The following MERTK variants were observed in gnomAD, a reference collection of about 807,000 sequenced individuals.
MERTK encodes the protein MER proto-oncogene, tyrosine kinase.
A neutral mutation model predicts 99.3 loss-of-function variants in MERTK; 69 were observed. The ratio of observed to expected loss-of-function variants is 0.70; its 90% confidence interval spans 0.57 to 0.85. The LOEUF is 0.85. Ranked by LOEUF, MERTK falls within the 40% of genes least tolerant of loss-of-function variation. The pLI is 0.00. For missense variants in MERTK, 1,125 were observed against 1,249.4 expected, an observed-to-expected ratio of 0.90 and a Z score of 1.50; for synonymous variants, 426 against 467.6, an observed-to-expected ratio of 0.91 and a Z score of 1.15.
At chr2:111,969,896 T>G (rs1400363476) in intron 6 of MERTK, among the ~76,000 whole-genome samples, 1 of 152,078 alleles carries the variant, frequency 6.6e-6, no homozygotes, top group Non-Finnish European at 1.5e-5. Context: ...TTTCACCGTG[T>G]TAGCCAGGAT....
intron 15 of MERTK, chr2:112,010,289 C>T (rs1677071338): frequency 4.1e-6 from 2 of 483,742 alleles, no homozygotes; most frequent in South Asian, 3.8e-5. Flanking sequence ...TGGCTGCGTG[C>T]ACAGTCTTAT....
chr2:111,926,753 C>T lies in MERTK; in HGVS notation c.62-2367C>T, dbSNP rs901096365. On this transcript the variant is annotated intron_variant, in intron 1 of 18. Coordinates refer to ENST00000295408, the MANE Select transcript of MERTK (RefSeq NM_006343.3). ...CTCAGAAAGCAAACAAAAACAAAGCCTACATGAGTAAGTAGAGCACCCTTG... is the reference window on the plus strand; with the variant it reads ...CTCAGAAAGCAAACAAAAACAAAGCTTACATGAGTAAGTAGAGCACCCTTG... Among the ~76,000 whole-genome samples, 37 of 152,146 alleles carry T rather than the reference C, an allele frequency of 2.4e-4. 1 individual carries two copies. Among genetic ancestry groups the T allele is most frequent in the Non-Finnish European group, 1.3e-4 (9 of 68,020 alleles).
chr2:111,977,172 C>A (rs537702463), intron 7 of MERTK, among the ~76,000 whole-genome samples: 2 of 152,256 alleles, frequency 1.3e-5, no homozygotes, highest in East Asian at 3.9e-4. Context: ...TCCTGAAGAA[C>A]TTTTTTAAAA....
At chr2:111,962,362 C>T (rs1422955875) in intron 4 of MERTK, among the ~76,000 whole-genome samples, 1 of 152,036 alleles carries the variant, frequency 6.6e-6, no homozygotes, top group Non-Finnish European at 1.5e-5. Flanking sequence ...ACAGAATTAG[C>T]CGGGCATGGT....
chr2:112,011,097 T>A (rs184916886), intron 15 of MERTK, among the ~76,000 whole-genome samples: 2 of 152,176 alleles, frequency 1.3e-5, no homozygotes, highest in Admixed American at 1.3e-4. Context: ...CTTTGTCCCT[T>A]TAGCTGCCAT....
At chr2:112,028,085 C>T (rs1677506766) in intron 18 of MERTK, 1 of 506,948 alleles carries the variant, frequency 2.0e-6, no homozygotes, top group African/African-American at 1.9e-5. Context: ...AAGAAAGAGA[C>T]CTAAATACTC....
chr2:111,947,301 A>AAAT, intron 3 of MERTK, 93 bp from the exon 4 acceptor site: 1 of 1,126,596 alleles, frequency 8.9e-7, no homozygotes, highest in Non-Finnish European at 1.3e-6. Flanking sequence ...AAAGAAATCT[A>AAAT]TTGCCAAGTT....
chr2:111,964,368 CGTGTGTGTGTGTGTGTGT>C (rs200168355), intron 4 of MERTK, among the ~76,000 whole-genome samples: 1 of 141,162 alleles, frequency 7.1e-6, no homozygotes, highest in Non-Finnish European at 1.6e-5. Flanking sequence ...ATCATTGTCT[CGTGTGTGTGTGTGTGTGT>C]GTGTGTGTGT....
chr2:111,947,623 AG>A (rs1684984537), intron 4 of MERTK, 56 bp downstream of exon 4: 11 of 1,602,678 alleles, frequency 6.9e-6, no homozygotes, highest in Middle Eastern at 2.2e-4. Flanking sequence ...CAGGATCAAA[AG>A]TTTGGCGACC....
intron 13 of MERTK, among the ~76,000 whole-genome samples, chr2:112,005,180 G>T (rs992368564): frequency 6.6e-6 from 1 of 151,946 alleles, no homozygotes; most frequent in African/African-American, 2.4e-5. Flanking sequence ...TGATTCTCCC[G>T]CCTCAGTCTC....
At chr2:111,945,101 T>A (rs754355895) in intron 3 of MERTK, 41 bp downstream of exon 3, 1 of 1,461,588 alleles carries the variant, frequency 6.8e-7, no homozygotes, top group Admixed American at 1.7e-5. Flanking sequence ...GAGAACTGTT[T>A]GTTTTAGGGC....
At chr2:111,963,480 C>T (rs1036796696) in intron 4 of MERTK, among the ~76,000 whole-genome samples, 80 of 152,202 alleles carry the variant, frequency 5.3e-4, no homozygotes, top group African/African-American at 1.8e-3. Context: ...TTGGACAATA[C>T]CTGGCTTTCC....
chr2:112,002,360 T>C (rs1037519506), intron 11 of MERTK, among the ~76,000 whole-genome samples: 9 of 152,328 alleles, frequency 5.9e-5, no homozygotes, highest in Middle Eastern at 3.4e-3. Flanking sequence ...TTTGTGAGAC[T>C]CCGTCCATGG....
chr2:112,018,005 G>T (rs1457614725), intron 15 of MERTK, among the ~76,000 whole-genome samples: 5 of 152,144 alleles, frequency 3.3e-5, no homozygotes, highest in African/African-American at 7.2e-5. Context: ...GGTGCTTGAG[G>T]AATTAATTGA....
chr2:111,940,774 A>G (rs796179334), intron 2 of MERTK: 1 of 1,019,600 alleles, frequency 9.8e-7, no homozygotes, highest in African/African-American at 1.5e-5. Flanking sequence ...TTCAAATCTA[A>G]CAGCTAAACC....
chr2:111,935,914 A>AC (rs1403754357), intron 2 of MERTK, among the ~76,000 whole-genome samples: 1 of 151,894 alleles, frequency 6.6e-6, no homozygotes, highest in Non-Finnish European at 1.5e-5. Flanking sequence ...AAAAGTCTTC[A>AC]AAAAAATTTT....
At chr2:111,938,272 G>C (rs1401782102) in intron 2 of MERTK, among the ~76,000 whole-genome samples, 1 of 141,470 alleles carries the variant, frequency 7.1e-6, no homozygotes, top group Non-Finnish European at 1.6e-5. Flanking sequence ...TTGTTTTTTT[G>C]TATTTGTAGA....
chr2:111,916,013 G>T (rs1166240349), intron 1 of MERTK, among the ~76,000 whole-genome samples: 1 of 152,166 alleles, frequency 6.6e-6, no homozygotes, highest in Non-Finnish European at 1.5e-5. Flanking sequence ...TATGATTTCA[G>T]TTATTTTTAA....
chr2:111,967,540 C>T (rs1350162470), intron 5 of MERTK, among the ~76,000 whole-genome samples: 3 of 152,140 alleles, frequency 2.0e-5, no homozygotes, highest in Non-Finnish European at 2.9e-5. Flanking sequence ...CGAGGACACA[C>T]ACCCCTTCCC....
Sources: allele counts gnomAD v4.1 joint callset (sites outside exome capture counted in the v4.1 genomes callset), GRCh38; gene constraint gnomAD v4.1.1; transcripts MANE v1.5; gene names NCBI Gene and HGNC (gene_info 2026-07-23, HGNC 2026-07-21).